Variants in SLC22A16 observed in about 807,000 individuals in gnomAD.
SLC22A16 encodes WUGSC:RG331P03.1.
Under a neutral mutation model 52.9 loss-of-function variants are expected in SLC22A16, and 53 were observed. The ratio of observed to expected loss-of-function variants is 1.00; its 90% CI spans 0.80 to 1.26. SLC22A16 has a LOEUF of 1.26. Among genes scored for constraint, SLC22A16 ranks in the 50% most tolerant of loss-of-function variants. SLC22A16 has a pLI of 0.00. For synonymous variants in SLC22A16, 291 were observed against 268.8 expected (o/e 1.08, Z -0.81); for missense variants, 726 against 704.0 (o/e 1.03, Z -0.35).
chr6:110,451,344 C>A (rs1252277121), intron 2 of SLC22A16, among the ~76,000 whole-genome samples: 1 of 152,162 alleles, frequency 6.6e-6, no homozygotes, highest in Admixed American at 6.5e-5. Flanking sequence ...TGTGGCTGTG[C>A]ACATCACCAA....
intron 1 of SLC22A16, among the ~76,000 whole-genome samples, chr6:110,465,220 C>T (rs935113176): frequency 2.0e-5 from 3 of 151,984 alleles, no homozygotes; most frequent in African/African-American, 7.3e-5. Flanking sequence ...AAATGCATTC[C>T]TCTTCAGAAC....
At chr6:110,433,214 A>G (rs911380882) in intron 6 of SLC22A16, among the ~76,000 whole-genome samples, 1 of 152,192 alleles carries the variant, frequency 6.6e-6, no homozygotes, top group African/African-American at 2.4e-5. Flanking sequence ...CTGCTATTCT[A>G]TACCCCTGGT....
intron 3 of SLC22A16, 55 bp downstream of exon 3, chr6:110,446,818 A>C: frequency 1.4e-6 from 2 of 1,477,520 alleles, no homozygotes; most frequent in Non-Finnish European, 1.9e-6. Context: ...GATGAGAGTT[A>C]AGGTTTCCTA....
At position 110,448,273 on chromosome 6, in the gene SLC22A16, C is replaced by T. The variant is rs192068347; in HGVS notation, c.534-1283G>A. ...ATGATGTTGAGCATCTTTTCAAGCGCGTATTGGCTATTTGCATATATTCTT... is the reference window on the plus strand; with the variant it reads ...ATGATGTTGAGCATCTTTTCAAGCGTGTATTGGCTATTTGCATATATTCTT... On this transcript the variant is annotated intron_variant, in intron 2 of 7. Transcript: ENST00000368919. 1.2e-4 allele frequency among the ~76,000 whole-genome samples: 19 copies of T among 152,244 alleles called. No homozygotes were observed. The South Asian group carries it at 1.7e-3, about 13-fold the overall frequency.
Position 110,456,595 on chromosome 6 carries a change from G to A in SLC22A16, c.476C>T (p.Pro159Leu). Residue 159 changes from proline (P) to leucine (L), a missense_variant, in exon 2 of 8, where the codon CCC (proline) becomes CTC (leucine). Pro to Leu is a moderately conservative substitution (Grantham distance 98, BLOSUM62 -3). Transcript: ENST00000368919. ...DRKWLAMLIQ[P>L]LFMFGVLLGS... ...CAGTAGGACTCCAAACATAAATAGG[G>A]GCTGGATCAGCATTGCAAGCCATTT... 1 of 1,614,052 alleles carries A rather than the reference G, an allele frequency of 6.2e-7. No homozygotes were observed. The highest frequency in any genetic ancestry group is 8.5e-7 in the Non-Finnish European group (1 of 1,180,024).
In SLC22A16 at chr6:110,424,813, C is replaced by G. The variant is rs1774182854; in HGVS notation, c.*60G>C. 6.3e-7 allele frequency: 1 copy of G among 1,589,746 alleles called. No individual in the cohort carries two copies. The highest frequency in any genetic ancestry group is 2.2e-5 in the East Asian group (1 of 44,710). Reference sequence around the variant, plus strand: ...TATGGGAGATGAGAATAAGATTCCTCTAATACAAAGGCATTAGGGTAAATA... The same window carrying G: ...TATGGGAGATGAGAATAAGATTCCTGTAATACAAAGGCATTAGGGTAAATA... On this transcript the variant is annotated 3_prime_UTR_variant, in exon 8 of 8. Coordinates refer to ENST00000368919, the MANE Select transcript of SLC22A16 (RefSeq NM_033125.4).
intron 2 of SLC22A16, among the ~76,000 whole-genome samples, chr6:110,448,766 A>G (rs1232089044): frequency 1.3e-5 from 2 of 152,042 alleles, no homozygotes; most frequent in African/African-American, 4.8e-5. Context: ...AAGACCCACA[A>G]CTTCCTGCTC....
intron 6 of SLC22A16, among the ~76,000 whole-genome samples, chr6:110,434,560 A>G (rs2114906156): frequency 6.9e-6 from 1 of 145,968 alleles, no homozygotes; most frequent in East Asian, 2.2e-4. Flanking sequence ...AAAGCTTTGT[A>G]AAAGCTTGGA....
intron 2 of SLC22A16, among the ~76,000 whole-genome samples, chr6:110,450,960 A>T (rs1365995013): frequency 1.3e-5 from 2 of 152,200 alleles, no homozygotes; most frequent in East Asian, 3.8e-4. Flanking sequence ...GTTTCATTTT[A>T]CTACTTTTAT....
chr6:110,431,384 G>C, intron 6 of SLC22A16, 114 bp from the exon 7 acceptor site: 1 of 833,534 alleles, frequency 1.2e-6, no homozygotes, highest in Non-Finnish European at 1.9e-6. Flanking sequence ...AGGGTGGTCA[G>C]GCAGCGCATT....
chr6:110,442,210 C>T (rs375394227), intron 4 of SLC22A16, 34 bp downstream of exon 4: 96 of 1,584,888 alleles, frequency 6.1e-5, no homozygotes, highest in Non-Finnish European at 8.0e-5. Context: ...AATCTCACTT[C>T]ACTGCCAAAT....
chr6:110,457,217 A>G (rs1282183607), intron 1 of SLC22A16, among the ~76,000 whole-genome samples, 200 bp from the exon 2 acceptor site: 2 of 152,228 alleles, frequency 1.3e-5, no homozygotes, highest in East Asian at 1.9e-4. Context: ...AAGGCCTAGA[A>G]GCAATGACAT....
At chr6:110,431,112 T>C (rs908250166) in intron 7 of SLC22A16, 59 bp downstream of exon 7, 46 of 1,346,744 alleles carry the variant, frequency 3.4e-5, no homozygotes, top group Non-Finnish European at 4.8e-5. Flanking sequence ...AAGTTGCTAA[T>C]AGGCAATTAG....
intron 6 of SLC22A16, among the ~76,000 whole-genome samples, 189 bp downstream of exon 6, chr6:110,435,663 G>A (rs564761450): frequency 2.8e-4 from 43 of 152,230 alleles, no homozygotes; most frequent in Admixed American, 1.0e-3. Context: ...AAAATAATTC[G>A]TCTAATATCC....
At chr6:110,444,874 A>C (rs1196919306) in intron 3 of SLC22A16, among the ~76,000 whole-genome samples, 1 of 152,188 alleles carries the variant, frequency 6.6e-6, no homozygotes, top group Non-Finnish European at 1.5e-5. Flanking sequence ...GATAACTTTC[A>C]AATACTATAA....
At chr6:110,431,939 A>G (rs1774522099) in intron 6 of SLC22A16, among the ~76,000 whole-genome samples, 1 of 152,154 alleles carries the variant, frequency 6.6e-6, no homozygotes, top group South Asian at 2.1e-4. Flanking sequence ...TAGAGCAGGA[A>G]TTTGTTTCAG....
intron 1 of SLC22A16, among the ~76,000 whole-genome samples, chr6:110,462,435 G>A (rs1274265836): frequency 6.6e-6 from 1 of 152,078 alleles, no homozygotes; most frequent in African/African-American, 2.4e-5. Context: ...AAAGAAAGCT[G>A]AAAATCAACC....
intron 1 of SLC22A16, among the ~76,000 whole-genome samples, chr6:110,471,878 C>T (rs1776271824): frequency 6.6e-6 from 1 of 152,180 alleles, no homozygotes; most frequent in African/African-American, 2.4e-5. Context: ...GAAAACTATT[C>T]AGCAACACCC....
At chr6:110,434,624 G>A (rs1774642792) in intron 6 of SLC22A16, among the ~76,000 whole-genome samples, 1 of 151,198 alleles carries the variant, frequency 6.6e-6, no homozygotes, top group Middle Eastern at 3.2e-3. Context: ...CCCAAAGGGT[G>A]TCGGGGGGGC....
Sources: allele counts gnomAD v4.1 joint callset (sites outside exome capture counted in the v4.1 genomes callset), GRCh38; gene constraint gnomAD v4.1.1; transcripts MANE v1.5; gene names NCBI Gene and HGNC (gene_info 2026-07-23, HGNC 2026-07-21).